SEMA3E: variants seen among roughly 807,000 people sequenced by gnomAD.
The protein encoded by SEMA3E is semaphorin 3E, also known as semaphorin-3E.
A neutral mutation model predicts 93.6 loss-of-function variants in SEMA3E; 49 were observed. The observed-to-expected ratio is 0.52, with a 90% CI of 0.42 to 0.66. SEMA3E has a LOEUF of 0.66. Ranked by LOEUF, SEMA3E falls within the 30% of genes least tolerant of loss-of-function variation. The pLI is 0.00. For synonymous variants in SEMA3E, 363 were observed against 330.7 expected, an observed-to-expected ratio of 1.10 and a Z score of -1.06; for missense variants, 906 against 964.8, an observed-to-expected ratio of 0.94 and a Z score of 0.81.
intron 1 of SEMA3E, among the ~76,000 whole-genome samples, chr7:83,620,443 C>T (rs895261106): frequency 1.3e-5 from 2 of 152,030 alleles, no homozygotes; most frequent in Non-Finnish European, 2.9e-5. Context: ...TACCATTTCT[C>T]CTGAAACTAT....
At chr7:83,395,825 C>T (rs1584217897) in intron 12 of SEMA3E, among the ~76,000 whole-genome samples, 3 of 151,936 alleles carry the variant, frequency 2.0e-5, no homozygotes, top group South Asian at 4.1e-4. Context: ...GCTGTGAGTT[C>T]GATGTTAGTT....
At chr7:83,381,855 T>C (rs1476052932) in intron 16 of SEMA3E, among the ~76,000 whole-genome samples, 1 of 151,942 alleles carries the variant, frequency 6.6e-6, no homozygotes, top group Non-Finnish European at 1.5e-5. Context: ...AGAATGGAAA[T>C]ACATTGATGT....
At chr7:83,505,581 T>C (rs1305018949) in intron 1 of SEMA3E, among the ~76,000 whole-genome samples, 1 of 152,158 alleles carries the variant, frequency 6.6e-6, no homozygotes, top group Non-Finnish European at 1.5e-5. Context: ...TTGTCATCTC[T>C]AGTTGGGAAA....
intron 1 of SEMA3E, among the ~76,000 whole-genome samples, chr7:83,541,043 A>C (rs970706433): frequency 1.3e-5 from 2 of 152,202 alleles, no homozygotes; most frequent in East Asian, 1.9e-4. Context: ...ACAACTGAGT[A>C]CTTTCAGATG....
chr7:83,547,545 G>A (rs1208001006), intron 1 of SEMA3E, among the ~76,000 whole-genome samples: 1 of 152,088 alleles, frequency 6.6e-6, no homozygotes, highest in East Asian at 1.9e-4. Context: ...AAGGTAACTC[G>A]TGGTAGTTTA....
chr7:83,427,804 C>T (rs374141762), intron 4 of SEMA3E, among the ~76,000 whole-genome samples: 3 of 152,156 alleles, frequency 2.0e-5, no homozygotes, highest in Non-Finnish European at 4.4e-5. Flanking sequence ...CCAAAGCAAT[C>T]GCCTTTATGG....
chr7:83,455,680 A>T (rs1371647378), intron 4 of SEMA3E, among the ~76,000 whole-genome samples: 1 of 152,236 alleles, frequency 6.6e-6, no homozygotes, highest in Non-Finnish European at 1.5e-5. Flanking sequence ...TGTCATGATG[A>T]AGCTGTGCTG....
chr7:83,542,944 T>A (rs922837418), intron 1 of SEMA3E, among the ~76,000 whole-genome samples: 18 of 152,040 alleles, frequency 1.2e-4, no homozygotes, highest in Non-Finnish European at 1.8e-4. Flanking sequence ...AACAAAAGTC[T>A]TTTTGTGGCT....
intron 1 of SEMA3E, among the ~76,000 whole-genome samples, chr7:83,634,476 A>T (rs1367413637): frequency 2.0e-5 from 3 of 152,264 alleles, no homozygotes; most frequent in Non-Finnish European, 4.4e-5. Flanking sequence ...AGCAAAAAAC[A>T]TTTGGCAAAA....
chr7:83,411,033 A>G (rs1251107668), intron 5 of SEMA3E, among the ~76,000 whole-genome samples: 1 of 152,032 alleles, frequency 6.6e-6, no homozygotes, highest in Non-Finnish European at 1.5e-5. Flanking sequence ...TTAGACTTTG[A>G]TAATTGAAAA....
chr7:83,519,086 G>A (rs1790992465), intron 1 of SEMA3E, among the ~76,000 whole-genome samples: 1 of 151,710 alleles, frequency 6.6e-6, no homozygotes, highest in Admixed American at 6.6e-5. Flanking sequence ...TCGTCATTTA[G>A]CATTAGGTAT....
chr7:83,522,011 T>C (rs986934949), intron 1 of SEMA3E, among the ~76,000 whole-genome samples: 28 of 152,138 alleles, frequency 1.8e-4, no homozygotes, highest in Admixed American at 3.9e-4. Flanking sequence ...TATGTTCTAT[T>C]ATAGAGATTA....
intron 4 of SEMA3E, among the ~76,000 whole-genome samples, chr7:83,444,506 G>T (rs977831549): frequency 6.6e-6 from 1 of 152,140 alleles, no homozygotes; most frequent in Non-Finnish European, 1.5e-5. Context: ...TCTAGATAAA[G>T]ACCAATTATG....
chr7:83,404,814 C>T (rs1278695132), intron 9 of SEMA3E, among the ~76,000 whole-genome samples: 2 of 151,634 alleles, frequency 1.3e-5, no homozygotes, highest in Non-Finnish European at 2.9e-5. Context: ...ATTATGAAAT[C>T]GAGAAATTTT....
At chr7:83,514,831 A>AT (rs879434594) in intron 1 of SEMA3E, among the ~76,000 whole-genome samples, 95 of 151,542 alleles carry the variant, frequency 6.3e-4, no homozygotes, top group Non-Finnish European at 8.8e-4. Flanking sequence ...ATCCATCAGG[A>AT]TTTTTTTTTA....
intron 1 of SEMA3E, among the ~76,000 whole-genome samples, chr7:83,567,675 A>T (rs1792191437): frequency 6.6e-6 from 1 of 152,132 alleles, no homozygotes; most frequent in Non-Finnish European, 1.5e-5. Context: ...CAAAGAAAAA[A>T]CTTAAAAAAT....
At chr7:83,541,382 A>G (rs867213698) in intron 1 of SEMA3E, among the ~76,000 whole-genome samples, 1 of 152,192 alleles carries the variant, frequency 6.6e-6, no homozygotes, top group Non-Finnish European at 1.5e-5. Flanking sequence ...TGGTGAATCA[A>G]TAAACAAATA....
In SEMA3E at chr7:83,364,617, C is replaced by A. The variant is rs749639813; in HGVS notation, c.*2969G>T. 1 of 152,194 alleles carries A rather than the reference C, an allele frequency of 6.6e-6. No individual in the cohort carries two copies. Among genetic ancestry groups the A allele is most frequent in the South Asian group, 2.1e-4 (1 of 4,832 alleles). 9.4% of individuals were successfully genotyped at this position (152,194 alleles called of 1,614,324 possible). On this transcript the variant is annotated 3_prime_UTR_variant, in exon 17 of 17. Transcript: ENST00000643230. ...ATCTTTTTTGTTAACAAATCTGGAT[C>A]TCTTGCCCAATGGGTGACGTTGTGC...
At chr7:83,567,230 T>C (rs573265885) in intron 1 of SEMA3E, among the ~76,000 whole-genome samples, 23 of 152,274 alleles carry the variant, frequency 1.5e-4, no homozygotes, top group African/African-American at 5.1e-4. Flanking sequence ...TAAACGTATA[T>C]GTGCCCAACG....
Sources: gnomAD v4.1 joint callset for allele counts (sites outside exome capture counted in the v4.1 genomes callset) on GRCh38, gnomAD v4.1.1 for gene constraint, MANE v1.5 for transcripts, NCBI Gene and HGNC (gene_info 2026-07-23, HGNC 2026-07-21) for gene names.